The following ST18 variants were observed in gnomAD, a reference collection of about 807,000 sequenced individuals.
ST18 encodes the protein ST18 C2H2C-type zinc finger transcription factor, also known as suppression of tumorigenicity 18 protein.
A neutral mutation model predicts 110.0 loss-of-function variants in ST18; 50 were observed. That is an observed-to-expected ratio of 0.45 (90% CI 0.36 to 0.58). ST18 has a LOEUF of 0.58. ST18 is among the 20% of genes least tolerant of loss of function. The pLI is 0.00. For synonymous variants in ST18, 461 were observed against 452.4 expected, an observed-to-expected ratio of 1.02 and a Z score of -0.24; for missense variants, 1,306 against 1,280.1, an observed-to-expected ratio of 1.02 and a Z score of -0.31.
At chr8:52,214,587 C>G (rs1417711396) in intron 6 of ST18, among the ~76,000 whole-genome samples, 1 of 152,096 alleles carries the variant, frequency 6.6e-6, no homozygotes, top group Non-Finnish European at 1.5e-5. Flanking sequence ...GAGATGAAAC[C>G]TCATATGTCA....
intron 2 of ST18, among the ~76,000 whole-genome samples, chr8:52,332,269 G>A (rs537524599): frequency 1.3e-4 from 20 of 152,004 alleles, no homozygotes; most frequent in South Asian, 1.2e-3. Flanking sequence ...CTTAATTTTT[G>A]AGCATCATCC....
intron 2 of ST18, among the ~76,000 whole-genome samples, chr8:52,230,470 AG>A (rs571672584): frequency 4.3e-4 from 66 of 152,184 alleles, no homozygotes; most frequent in African/African-American, 1.6e-3. Context: ...TCCTACAGAA[AG>A]GAACAGCCCG....
intron 2 of ST18, among the ~76,000 whole-genome samples, chr8:52,271,044 G>A (rs1477844702): frequency 3.3e-5 from 5 of 151,726 alleles, no homozygotes; most frequent in African/African-American, 7.3e-5. Context: ...GACTACGGGC[G>A]CCCGCCGCCA....
At chr8:52,226,233 C>T (rs2089337493) in intron 3 of ST18, among the ~76,000 whole-genome samples, 1 of 152,204 alleles carries the variant, frequency 6.6e-6, no homozygotes, top group South Asian at 2.1e-4. Context: ...AAAGCGTTGA[C>T]CATGAATAGT....
rs559335350 is a variant in ST18, at chr8:52,219,425, C to T, written c.-157+1316G>A. ...TAACAAAACCATGTCTTTTTTACAC[C>T]ATCTGTGACAACATATTTATAATTT... is the stretch of plus-strand genomic sequence containing the variant. On this transcript the variant is annotated intron_variant, in intron 5 of 25. Transcript: ENST00000689386. 1.1e-4 allele frequency among the ~76,000 whole-genome samples: 17 copies of T among 152,050 alleles called. No individual in the cohort carries two copies. In the East Asian group the frequency reaches 3.3e-3, roughly 29 times the overall value.
chr8:52,353,491 TTTC>T (rs542269422), intron 2 of ST18, among the ~76,000 whole-genome samples: 2 of 152,150 alleles, frequency 1.3e-5, no homozygotes, highest in Non-Finnish European at 2.9e-5. Context: ...TGCCAGAAAG[TTTC>T]TTGTCTAAAT....
intron 2 of ST18, among the ~76,000 whole-genome samples, chr8:52,328,241 G>A (rs1807396809): frequency 6.6e-6 from 1 of 152,138 alleles, no homozygotes; most frequent in African/African-American, 2.4e-5. Flanking sequence ...TCAATCACGA[G>A]CAGCCTAGAG....
chr8:52,210,225 A>T, intron 8 of ST18: 1 of 423,500 alleles, frequency 2.4e-6, no homozygotes, highest in Non-Finnish European at 4.7e-6. Context: ...GACATAAATA[A>T]AGCCTCCAGA....
At chr8:52,306,365 A>C (rs1302627464) in intron 2 of ST18, among the ~76,000 whole-genome samples, 1 of 152,194 alleles carries the variant, frequency 6.6e-6, no homozygotes, top group Non-Finnish European at 1.5e-5. Flanking sequence ...AGAATCCTTA[A>C]GGGCAGGGAT....
At chr8:52,324,199 C>T (rs1324537082) in intron 2 of ST18, among the ~76,000 whole-genome samples, 2 of 152,116 alleles carry the variant, frequency 1.3e-5, no homozygotes, top group Non-Finnish European at 2.9e-5. Flanking sequence ...TGGCATGAGG[C>T]CCTTTTGGAT....
At chr8:52,184,405 T>C (rs1266562164) in intron 8 of ST18, among the ~76,000 whole-genome samples, 3 of 152,248 alleles carry the variant, frequency 2.0e-5, no homozygotes, top group South Asian at 2.1e-4. Context: ...AAAAGATCTG[T>C]ATTTTTTACC....
At chr8:52,287,872 A>T (rs1235064896) in intron 2 of ST18, among the ~76,000 whole-genome samples, 1 of 152,180 alleles carries the variant, frequency 6.6e-6, no homozygotes, top group Non-Finnish European at 1.5e-5. Context: ...ACCGGAGTCA[A>T]TTCAGCTTCT....
rs1439052154 is a variant in ST18 at position 52,133,074 on chromosome 8, T to G, written c.2427A>C (p.Lys809Asn). 1 of 1,614,166 alleles carries G rather than the reference T, an allele frequency of 6.2e-7. No homozygotes were observed. The highest frequency in any genetic ancestry group is 2.2e-5 in the East Asian group (1 of 44,888). ...GVKMTPTKEEKEDPELKCPVI... is the reference protein window; with the variant it reads ...GVKMTPTKEENEDPELKCPVI... ...GCACTTACTTCAGTTCAGGGTCTTCTTTTTCTTCCTTGGTAGGGGTCATTT... is the reference window on the plus strand; with the variant it reads ...GCACTTACTTCAGTTCAGGGTCTTCGTTTTCTTCCTTGGTAGGGGTCATTT... Residue 809 changes from lysine (K) to asparagine (N), a missense_variant, in exon 21 of 26, where the codon AAA (lysine) becomes AAC (asparagine). Coordinates refer to ENST00000689386, the MANE Select transcript of ST18 (RefSeq NM_001352837.2).
chr8:52,189,845 G>A (rs2073887581), intron 8 of ST18, among the ~76,000 whole-genome samples: 1 of 152,198 alleles, frequency 6.6e-6, no homozygotes, highest in Admixed American at 6.5e-5. Context: ...TCTCATGGGT[G>A]TACTACTGGT....
At chr8:52,334,424 G>A (rs955038914) in intron 2 of ST18, among the ~76,000 whole-genome samples, 11 of 152,136 alleles carry the variant, frequency 7.2e-5, no homozygotes, top group African/African-American at 2.4e-4. Flanking sequence ...ACTCACCTTT[G>A]AAATTTCCAT....
rs764164657 is a variant in ST18 at position 52,172,005 on chromosome 8, G to T, written c.856C>A (p.Leu286Met). Residue 286 changes from leucine (L) to methionine (M), a missense_variant, in exon 10 of 26, where the codon CTG (leucine) becomes ATG (methionine). Leu to Met is a conservative substitution (Grantham distance 15). Coordinates refer to ENST00000689386, the MANE Select transcript of ST18 (RefSeq NM_001352837.2). ...CTACCCTCTTCCGTCATTACTGCCAGGCTCTCGCTATCTTCCTCCTCAACG... is the reference window on the plus strand; with the variant it reads ...CTACCCTCTTCCGTCATTACTGCCATGCTCTCGCTATCTTCCTCCTCAACG... ...PDVEEEDSES[L>M]AVMTEEGSDL... The T allele has an allele frequency of 7.4e-6, 12 of 1,614,180 alleles. No individual in the cohort carries two copies. The highest frequency in any genetic ancestry group is 1.0e-5 in the Non-Finnish European group (12 of 1,180,038).
Position 52,262,391 on chromosome 8 carries a change from T to C in ST18, c.-464-32314A>G, listed in dbSNP as rs529072876. 4.3e-4 allele frequency among the ~76,000 whole-genome samples: 66 copies of C among 152,330 alleles called. No homozygotes were observed. The South Asian group carries it at 0.014, about 32-fold the overall frequency. On this transcript the variant is annotated intron_variant, in intron 2 of 25. Transcript: ENST00000689386. ...AAGGCAGTGCAGCAGTATATGTATATGGAACTTCTAGTATGGCAGTAAAAC... is the reference window on the plus strand; with the variant it reads ...AAGGCAGTGCAGCAGTATATGTATACGGAACTTCTAGTATGGCAGTAAAAC...
At chr8:52,181,908 T>C (rs79654143) in intron 8 of ST18, among the ~76,000 whole-genome samples, 1,615 of 152,018 alleles carry the variant, frequency 0.011, 37 homozygotes, top group African/African-American at 0.037. Flanking sequence ...AAGAAACAGA[T>C]CAAAGGGGCA....
chr8:52,314,046 T>C (rs2095976265), intron 2 of ST18, among the ~76,000 whole-genome samples: 1 of 152,198 alleles, frequency 6.6e-6, no homozygotes, highest in South Asian at 2.1e-4. Context: ...GGCCAGACTC[T>C]TCCCTGGTAG....
Sources: gnomAD v4.1 joint callset for allele counts (sites outside exome capture counted in the v4.1 genomes callset) on GRCh38, gnomAD v4.1.1 for gene constraint, MANE v1.5 for transcripts, NCBI Gene and HGNC (gene_info 2026-07-23, HGNC 2026-07-21) for gene names.